Variants in PKD2 observed in about 807,000 individuals in gnomAD.
PKD2 encodes the protein polycystin-2.
In PKD2, 48 loss-of-function variants were observed where a neutral mutation model predicts 105.9. The ratio of observed to expected loss-of-function variants is 0.45; its 90% CI spans 0.36 to 0.58. The LOEUF is 0.58. Among genes scored for constraint, PKD2 ranks in the 20% least tolerant of loss-of-function variants. The pLI is 0.00. For synonymous variants in PKD2, 464 were observed against 481.1 expected (o/e 0.96, Z 0.46); for missense variants, 1,078 against 1,255.3 (o/e 0.86, Z 2.13).
chr4:88,054,741 G>A (rs377554861), intron 7 of PKD2, among the ~76,000 whole-genome samples: 2 of 141,890 alleles, frequency 1.4e-5, no homozygotes, highest in African/African-American at 2.7e-5. Context: ...TGCAACCTCC[G>A]TCTCCTGGGT....
At chr4:88,050,274 C>T (rs1420205683) in intron 6 of PKD2, among the ~76,000 whole-genome samples, 3 of 151,962 alleles carry the variant, frequency 2.0e-5, no homozygotes, top group African/African-American at 4.8e-5. Flanking sequence ...GCGCCTGGCC[C>T]GACTAATTCA....
intron 8 of PKD2, 43 bp downstream of exon 8, chr4:88,056,310 G>A: frequency 8.3e-7 from 1 of 1,199,570 alleles, no homozygotes. Flanking sequence ...AATCAGAGTT[G>A]TCACTGCTTC....
At position 88,057,990 on chromosome 4, in the gene PKD2, C is replaced by CAATTCCGT; in HGVS notation, c.1908_1915dup (p.Ile639AsnfsTer38). The CAATTCCGT allele has an allele frequency of 6.2e-7, 1 of 1,600,024 alleles. No homozygotes were observed. The highest frequency in any genetic ancestry group is 8.6e-7 in the Non-Finnish European group (1 of 1,167,126). On this transcript the variant is annotated frameshift_variant, in exon 9 of 15. Coordinates refer to ENST00000237596, the MANE Select transcript of PKD2 (RefSeq NM_000297.4). LOFTEE classifies it high-confidence loss of function. ...TTTGTTTTATTTTTATAGCTTCACTCAATTCCGTATCATTTTGGGCGATAT... is the reference window on the plus strand; with the variant it reads ...TTTGTTTTATTTTTATAGCTTCACTCAATTCCGTAATTCCGTATCATTTTGGGCGATAT...
chr4:88,023,561 G>A (rs1560600220), intron 2 of PKD2, among the ~76,000 whole-genome samples: 1 of 152,120 alleles, frequency 6.6e-6, no homozygotes, highest in African/African-American at 2.4e-5. Context: ...AGTAAGAAAA[G>A]TACAGATTTT....
At position 88,057,967 on chromosome 4, in the gene PKD2, TG is replaced by T; in HGVS notation, c.1899-15del. On this transcript the variant is annotated splice_polypyrimidine_tract_variant and intron_variant, in intron 8 of 14. Coordinates refer to ENST00000237596, the MANE Select transcript of PKD2 (RefSeq NM_000297.4). ...TCTTTGTTTTTGTATTGTGGTGTTT[TG>T]TTTTATTTTTATAGCTTCACTCAAT... The T allele has an allele frequency of 6.3e-7, 1 of 1,576,528 alleles. No individual in the cohort carries two copies. Among genetic ancestry groups the T allele is most frequent in the Non-Finnish European group, 8.7e-7 (1 of 1,145,708 alleles).
At chr4:88,017,288 T>TCATA (rs768391118) in intron 1 of PKD2, among the ~76,000 whole-genome samples, 15 of 152,018 alleles carry the variant, frequency 9.9e-5, no homozygotes, top group Non-Finnish European at 1.6e-4. Context: ...ATAAATAAAT[T>TCATA]CATACATACA....
At chr4:88,036,492 G>A in intron 3 of PKD2, 139 bp downstream of exon 3, 4 of 1,452,444 alleles carry the variant, frequency 2.8e-6, no homozygotes, top group Non-Finnish European at 2.8e-6. Flanking sequence ...TGAGTTGTTA[G>A]AAGTTACTGT....
Position 88,075,919 on chromosome 4 carries a change from C to T in PKD2, c.*225C>T. ...GAAATCTAGGTGTAAATATTGAGTACAGAAAAAAAATCTTCATGATGTGTA... is the reference window on the plus strand; with the variant it reads ...GAAATCTAGGTGTAAATATTGAGTATAGAAAAAAAATCTTCATGATGTGTA... On this transcript the variant is annotated 3_prime_UTR_variant, in exon 15 of 15. Transcript: ENST00000237596. 1.8e-6 allele frequency: 1 copy of T among 542,948 alleles called. No individual in the cohort carries two copies. Among genetic ancestry groups the T allele is most frequent in the Non-Finnish European group, 3.3e-6 (1 of 304,704 alleles). The allele number at this position is 542,948 out of a possible 1,614,324, so 33.6% of individuals were successfully genotyped here.
chr4:88,016,814 A>C (rs1726577010), intron 1 of PKD2, among the ~76,000 whole-genome samples: 2 of 151,934 alleles, frequency 1.3e-5, no homozygotes, highest in African/African-American at 2.4e-5. Flanking sequence ...TTAAAAACTT[A>C]GTTGGGCTTG....
At chr4:88,054,815 C>T (rs918844398) in intron 7 of PKD2, among the ~76,000 whole-genome samples, 13 of 151,884 alleles carry the variant, frequency 8.6e-5, no homozygotes, top group South Asian at 4.2e-4. Flanking sequence ...CCACCACGCC[C>T]GGCTAATTTT....
Position 88,007,869 on chromosome 4 carries a change from C to T in PKD2, c.136C>T (p.Leu46Phe), listed in dbSNP as rs1347665472. The part of the protein sequence containing the change: ...VGASLAAPGG[L>F]CEQRGLEIEM... Reference sequence around the variant, plus strand: ...CGCCAGCCTCGCCGCCCCGGGCGGCCTCTGCGAGCAGCGGGGCCTGGAGAT... The same window carrying T: ...CGCCAGCCTCGCCGCCCCGGGCGGCTTCTGCGAGCAGCGGGGCCTGGAGAT... The change falls in exon 1 of 15, where the codon CTC becomes TTC. Residue 46 changes from leucine to phenylalanine, a missense_variant. This residue lies in a region of PKD2 where 210 missense variants were observed against 187.9 expected (regional missense o/e 1.12). Coordinates refer to ENST00000237596, the MANE Select transcript of PKD2 (RefSeq NM_000297.4). The T allele has an allele frequency of 1.6e-6, 2 of 1,268,780 alleles. No individual in the cohort carries two copies. Among genetic ancestry groups the T allele is most frequent in the Non-Finnish European group, 2.0e-6 (2 of 1,006,592 alleles). The allele number at this position is 1,268,780 out of a possible 1,614,324, so 78.6% of individuals were successfully genotyped here.
In PKD2 at chr4:88,045,767, A is replaced by G. The variant is rs184717815; in HGVS notation, c.1320-875A>G. On this transcript the variant is annotated intron_variant, in intron 5 of 14. Coordinates refer to ENST00000237596, the MANE Select transcript of PKD2 (RefSeq NM_000297.4). ...GTTTTAGACAATCAGACATCTATTG[A>G]GTACCCACCTATTAACTATAAGGCT... 4.5e-4 allele frequency among the ~76,000 whole-genome samples: 66 copies of G among 146,362 alleles called. No individual in the cohort carries two copies. In the East Asian group the frequency reaches 8.5e-3, roughly 19 times the overall value.
intron 4 of PKD2, among the ~76,000 whole-genome samples, chr4:88,039,134 G>A (rs949336912): frequency 2.5e-4 from 38 of 152,244 alleles, no homozygotes; most frequent in African/African-American, 7.9e-4. Flanking sequence ...CTCCAAGGCC[G>A]TTTCAGGGTG....
In PKD2 at chr4:88,019,560, T is replaced by C. The variant is rs1726679170; in HGVS notation, c.698T>C (p.Val233Ala). ...ELVTYLLFLI[V>A]LCILTYGMMS... is the part of the protein sequence containing the mutation. ...GTCACATACCTCCTTTTTCTCATAG[T>C]CTTGTGCATCTGTAAGTAGAATATT... The change falls in exon 2 of 15, where the codon GTC becomes GCC. Residue 233 changes from valine (V) to alanine (A), a missense_variant. Transcript: ENST00000237596. The C allele has an allele frequency of 6.6e-7, 1 of 1,506,206 alleles. No individual in the cohort carries two copies. Among genetic ancestry groups the C allele is most frequent in the African/African-American group, 1.4e-5 (1 of 72,964 alleles). The allele number at this position is 1,506,206 out of a possible 1,614,324, so 93.3% of individuals were successfully genotyped here.
At chr4:88,026,639 A>C (rs1302652192) in intron 2 of PKD2, among the ~76,000 whole-genome samples, 1 of 152,222 alleles carries the variant, frequency 6.6e-6, no homozygotes, top group African/African-American at 2.4e-5. Flanking sequence ...GAGGAGCTGA[A>C]TGTGAGTTGC....
chr4:88,075,743 C>A lies in PKD2; in HGVS notation c.*49C>A. 7.5e-7 allele frequency: 1 copy of A among 1,337,564 alleles called. No homozygotes were observed. Among genetic ancestry groups the A allele is most frequent in the South Asian group, 1.2e-5 (1 of 85,492 alleles). The allele number at this position is 1,337,564 out of a possible 1,614,324, so 82.9% of individuals were successfully genotyped here. On this transcript the variant is annotated 3_prime_UTR_variant, in exon 15 of 15. Transcript: ENST00000237596. Reference sequence around the variant, plus strand: ...TTCTAATAAGTGAGGAAGTGGCTGTCCTGAATTGCTGTAACAAGCACACTA... The same window carrying A: ...TTCTAATAAGTGAGGAAGTGGCTGTACTGAATTGCTGTAACAAGCACACTA...
At chr4:88,038,913 AT>A (rs1173330830) in intron 4 of PKD2, among the ~76,000 whole-genome samples, 1 of 152,152 alleles carries the variant, frequency 6.6e-6, no homozygotes, top group Non-Finnish European at 1.5e-5. Context: ...GAATGGAGTT[AT>A]TTAATGTGTA....
chr4:88,039,136 T>C (rs1727456034), intron 4 of PKD2, among the ~76,000 whole-genome samples: 2 of 152,170 alleles, frequency 1.3e-5, no homozygotes, highest in Admixed American at 1.3e-4. Flanking sequence ...CCAAGGCCGT[T>C]TCAGGGTGGG....
At chr4:88,045,279 A>C (rs1319045282) in intron 5 of PKD2, among the ~76,000 whole-genome samples, 1 of 152,222 alleles carries the variant, frequency 6.6e-6, no homozygotes, top group Non-Finnish European at 1.5e-5. Context: ...AAGCTGTCAC[A>C]TACAAGGCTC....
Sources: gnomAD v4.1 joint callset for allele counts (sites outside exome capture counted in the v4.1 genomes callset) on GRCh38, gnomAD v4.1.1 for gene constraint, gnomAD v4.1.1 regional missense constraint, MANE v1.5 for transcripts, NCBI Gene and HGNC (gene_info 2026-07-23, HGNC 2026-07-21) for gene names.